WIPF3: variants seen among roughly 807,000 people sequenced by gnomAD.
WIPF3 encodes WAS/WASL interacting protein family member 3, also known as WAS/WASL-interacting protein family member 3.
In WIPF3, 33 loss-of-function variants were observed where a neutral mutation model predicts 38.9. That is an observed-to-expected ratio of 0.85 (90% CI 0.64 to 1.14). The LOEUF (loss-of-function observed/expected upper bound fraction) is 1.14. Among genes scored for constraint, WIPF3 ranks in the 50% most tolerant of loss-of-function variants. The pLI is 0.00. For synonymous variants in WIPF3, 324 were observed against 269.3 expected (o/e 1.20, Z -1.99); for missense variants, 711 against 652.5 (o/e 1.09, Z -0.98).
rs1785651969 is a variant in WIPF3 at position 29,878,497 on chromosome 7, A to T, written c.224-512A>T. 6.6e-6 allele frequency among the ~76,000 whole-genome samples: 1 copy of T among 152,096 alleles called. No individual in the cohort carries two copies. The highest frequency in any genetic ancestry group is 2.4e-5 in the African/African-American group (1 of 41,408). On this transcript the variant is annotated intron_variant, in intron 3 of 8. Transcript: ENST00000242140. The surrounding 1 kb of genome is among the most constrained non-coding windows in gnomAD (Gnocchi z 4.0). Reference sequence around the variant, plus strand: ...GGCTGGGGGCTTGAGGGCTGGAGAGACAGGAAGGAAACTGCCAGGGCACAG... The same window carrying T: ...GGCTGGGGGCTTGAGGGCTGGAGAGTCAGGAAGGAAACTGCCAGGGCACAG...
chr7:29,813,291 G>C (rs534251576), intron 1 of WIPF3, among the ~76,000 whole-genome samples: 18 of 152,236 alleles, frequency 1.2e-4, no homozygotes, highest in African/African-American at 4.1e-4. Context: ...TCCACACATA[G>C]CCCCACGGTG....
intron 8 of WIPF3, among the ~76,000 whole-genome samples, chr7:29,914,165 C>T (rs1231823305): frequency 6.6e-6 from 1 of 152,186 alleles, no homozygotes; most frequent in Admixed American, 6.5e-5. Context: ...CTTGCTTTTC[C>T]ACTGCCTTAA....
chr7:29,815,766 G>A (rs1583588471), intron 1 of WIPF3, among the ~76,000 whole-genome samples: 2 of 152,276 alleles, frequency 1.3e-5, no homozygotes, highest in East Asian at 1.9e-4. Context: ...TGTGTTAACC[G>A]TGTGATAACA....
At chr7:29,859,308 C>T (rs978932967) in intron 2 of WIPF3, among the ~76,000 whole-genome samples, 3 of 152,140 alleles carry the variant, frequency 2.0e-5, no homozygotes, top group Admixed American at 6.5e-5. Flanking sequence ...ACAAAAGGAG[C>T]GCTGGACCAG....
At chr7:29,819,073 T>C (rs1784499150) in intron 1 of WIPF3, among the ~76,000 whole-genome samples, 1 of 152,198 alleles carries the variant, frequency 6.6e-6, no homozygotes, top group Admixed American at 6.5e-5. Context: ...TTTTTTTATT[T>C]GTTCTATTCT....
intron 4 of WIPF3, among the ~76,000 whole-genome samples, chr7:29,881,980 C>A (rs1785728702): frequency 6.6e-6 from 1 of 152,230 alleles, no homozygotes; most frequent in African/African-American, 2.4e-5. Context: ...TCGGCCCAGG[C>A]CTGCCTCCTC....
intron 6 of WIPF3, among the ~76,000 whole-genome samples, 152 bp from the exon 7 acceptor site, chr7:29,889,154 G>C (rs969227991): frequency 1.1e-4 from 16 of 152,156 alleles, no homozygotes; most frequent in African/African-American, 3.6e-4. Context: ...GGATGTCTTA[G>C]GGAGAATGGC....
At chr7:29,812,403 C>T (rs1215689324) in intron 1 of WIPF3, among the ~76,000 whole-genome samples, 1 of 152,198 alleles carries the variant, frequency 6.6e-6, no homozygotes, top group African/African-American at 2.4e-5. Context: ...CATCCATCTT[C>T]CTGCTTCACC....
intron 8 of WIPF3, among the ~76,000 whole-genome samples, chr7:29,912,192 T>C (rs896309788): frequency 6.6e-6 from 1 of 152,248 alleles, no homozygotes; most frequent in East Asian, 1.9e-4. Flanking sequence ...GCATCACTAA[T>C]CATTAGAGAA....
chr7:29,876,013 A>T, intron 3 of WIPF3, 51 bp downstream of exon 3: 1 of 1,598,728 alleles, frequency 6.3e-7, no homozygotes, highest in Non-Finnish European at 8.5e-7. Context: ...CAGGACAGGC[A>T]TGTGAGGCAC....
At chr7:29,909,666 G>C (rs533183535) in intron 8 of WIPF3, among the ~76,000 whole-genome samples, 90 of 152,276 alleles carry the variant, frequency 5.9e-4, no homozygotes, top group African/African-American at 2.0e-3. Flanking sequence ...GGAGGTTAAG[G>C]TGGGAGAATT....
chr7:29,826,181 C>T (rs174928), intron 1 of WIPF3, among the ~76,000 whole-genome samples: 33,030 of 152,080 alleles, frequency 0.22, 3,861 homozygotes, highest in East Asian at 0.4. Context: ...CAAACTTTAG[C>T]GAGCATAAAA....
At chr7:29,811,237 T>G (rs891661182) in intron 1 of WIPF3, among the ~76,000 whole-genome samples, 3 of 144,822 alleles carry the variant, frequency 2.1e-5, no homozygotes, top group African/African-American at 7.7e-5. Flanking sequence ...CATAGCAATG[T>G]TCAGTCAATT....
chr7:29,825,354 A>C (rs779493570), intron 1 of WIPF3, among the ~76,000 whole-genome samples: 3 of 152,154 alleles, frequency 2.0e-5, no homozygotes, highest in Non-Finnish European at 4.4e-5. Flanking sequence ...AGTTGAAGGA[A>C]AAAAAATATT....
At chr7:29,895,279 G>A (rs174990) in intron 7 of WIPF3, among the ~76,000 whole-genome samples, 107,954 of 152,060 alleles carry the variant, frequency 0.71, 38,899 homozygotes, top group South Asian at 0.89. Flanking sequence ...AGATTCCTCA[G>A]TAAGTGAAAC....
intron 2 of WIPF3, among the ~76,000 whole-genome samples, chr7:29,857,253 C>T (rs1785200956): frequency 6.6e-6 from 1 of 152,132 alleles, no homozygotes; most frequent in Non-Finnish European, 1.5e-5. Context: ...GGTAGTTAAA[C>T]TTTGCTCCCC....
intron 7 of WIPF3, among the ~76,000 whole-genome samples, chr7:29,893,462 G>A (rs371834801): frequency 6.6e-6 from 1 of 152,138 alleles, no homozygotes; most frequent in Non-Finnish European, 1.5e-5. Context: ...GCCGGGGTGC[G>A]TGAAGTAGGT....
At chr7:29,893,040 G>A (rs1478252339) in intron 7 of WIPF3, among the ~76,000 whole-genome samples, 1 of 152,092 alleles carries the variant, frequency 6.6e-6, no homozygotes, top group Non-Finnish European at 1.5e-5. Flanking sequence ...AATCCAGCCT[G>A]GGTGACAAGA....
intron 8 of WIPF3, among the ~76,000 whole-genome samples, chr7:29,910,802 CA>C (rs1196441770): frequency 6.6e-6 from 1 of 152,086 alleles, no homozygotes. Context: ...GAAAAATCTA[CA>C]GTGAACATGC....
Sources: gnomAD v4.1 joint callset for allele counts (sites outside exome capture counted in the v4.1 genomes callset) on GRCh38, gnomAD v4.1.1 for gene constraint, Gnocchi (gnomAD v3.1) non-coding constraint, MANE v1.5 for transcripts, NCBI Gene and HGNC (gene_info 2026-07-23, HGNC 2026-07-21) for gene names.